DIPK1A: variants seen among roughly 807,000 people sequenced by gnomAD.
DIPK1A encodes divergent protein kinase domain 1A, also known as family with sequence similarity 69 member A.
In DIPK1A, 27 loss-of-function variants were observed where a neutral mutation model predicts 40.8. The observed-to-expected ratio is 0.66, with a 90% CI of 0.49 to 0.91. The LOEUF (loss-of-function observed/expected upper bound fraction) is 0.91, where lower values mean the gene tolerates loss of function less well. DIPK1A is among the 40% of genes least tolerant of loss of function. DIPK1A has a pLI of 0.00. For synonymous variants in DIPK1A, 166 were observed against 171.3 expected (o/e 0.97, Z 0.24); for missense variants, 412 against 505.7 (o/e 0.81, Z 1.78).
At chr1:92,931,061 T>C (rs993295861) in intron 1 of DIPK1A, 1 of 152,238 alleles carries the variant, frequency 6.6e-6, no homozygotes, top group East Asian at 1.9e-4. Flanking sequence ...TGACAAATGT[T>C]TGTTGAATGA....
At chr1:92,848,209 A>G (rs1312773075) in intron 3 of DIPK1A, among the ~76,000 whole-genome samples, 2 of 152,228 alleles carry the variant, frequency 1.3e-5, no homozygotes, top group African/African-American at 2.4e-5. Flanking sequence ...ACATAAAAAA[A>G]TAAATAAGAT....
At chr1:92,868,873 G>A (rs1262211283) in intron 2 of DIPK1A, among the ~76,000 whole-genome samples, 2 of 151,168 alleles carry the variant, frequency 1.3e-5, no homozygotes, top group South Asian at 4.2e-4. Flanking sequence ...GGCTGAGGCA[G>A]GAGAATTGCT....
In DIPK1A at chr1:92,850,886, A is replaced by G; in HGVS notation, c.259T>C (p.Tyr87His). ...CNSLCVTETL[Y>H]FGKCLSTKPN... ...TTGGTGGATAAACATTTTCCAAAGTAAAGAGTTTCTGTAACACAAAGGCTG... is the reference window on the plus strand; with the variant it reads ...TTGGTGGATAAACATTTTCCAAAGTGAAGAGTTTCTGTAACACAAAGGCTG... Residue 87 changes from tyrosine (Y) to histidine (H), a missense_variant, in exon 3 of 5, where the codon TAC becomes CAC. Coordinates refer to ENST00000370310, the MANE Select transcript of DIPK1A (RefSeq NM_001006605.5). The G allele has an allele frequency of 1.3e-6, 2 of 1,571,700 alleles. No homozygotes were observed. The highest frequency in any genetic ancestry group is 1.7e-6 in the Non-Finnish European group (2 of 1,156,664).
chr1:92,875,662 T>TGAG (rs1367106626), intron 2 of DIPK1A, among the ~76,000 whole-genome samples: 1 of 147,310 alleles, frequency 6.8e-6, no homozygotes, highest in Non-Finnish European at 1.5e-5. Flanking sequence ...TGCAGTAGGC[T>TGAG]GAGATTGTAC....
intron 1 of DIPK1A, among the ~76,000 whole-genome samples, chr1:92,952,137 A>C (rs946198203): frequency 1.3e-5 from 2 of 151,952 alleles, no homozygotes; most frequent in African/African-American, 4.8e-5. Flanking sequence ...TGCTACTGAT[A>C]TCTAACGGGT....
chr1:92,876,923 A>G, intron 1 of DIPK1A: 1 of 924,324 alleles, frequency 1.1e-6, no homozygotes, highest in Non-Finnish European at 1.3e-6. Flanking sequence ...ACAAGAAATT[A>G]AGCTCTACAG....
At chr1:92,840,565 T>C (rs1687315098), downstream of DIPK1A, 1 of 1,612,878 alleles carries the variant, frequency 6.2e-7, no homozygotes, top group African/African-American at 1.3e-5. Context: ...AGGAGATGTA[T>C]AAGAAAGCTC....
At chr1:92,889,717 G>A (rs1004878055) in intron 1 of DIPK1A, among the ~76,000 whole-genome samples, 6 of 151,354 alleles carry the variant, frequency 4.0e-5, no homozygotes, top group African/African-American at 7.3e-5. Context: ...ATGTAATCTC[G>A]ACCCACTGCA....
At chr1:92,948,445 T>C (rs1332195979) in intron 1 of DIPK1A, among the ~76,000 whole-genome samples, 2 of 150,802 alleles carry the variant, frequency 1.3e-5, no homozygotes, top group Non-Finnish European at 2.9e-5. Flanking sequence ...AAAAAGGTAA[T>C]TAACTTTTTT....
intron 1 of DIPK1A, among the ~76,000 whole-genome samples, chr1:92,890,864 T>A (rs1005475358): frequency 2.6e-5 from 4 of 152,182 alleles, no homozygotes; most frequent in African/African-American, 9.6e-5. Flanking sequence ...CTTTTCAGTT[T>A]TCTGGGAGAG....
intron 1 of DIPK1A, chr1:92,933,710 T>C (rs1406813507): frequency 6.6e-6 from 1 of 152,258 alleles, no homozygotes; most frequent in African/African-American, 2.4e-5. Flanking sequence ...ATTTGATTTA[T>C]CTTTATCTTT....
chr1:92,859,468 G>A (rs183651347), intron 2 of DIPK1A, among the ~76,000 whole-genome samples: 1 of 152,200 alleles, frequency 6.6e-6, no homozygotes, highest in Admixed American at 6.5e-5. Context: ...AATAGAGTCT[G>A]CAATTTATTT....
chr1:92,936,371 T>G (rs1405651464), intron 1 of DIPK1A, among the ~76,000 whole-genome samples: 1 of 152,132 alleles, frequency 6.6e-6, no homozygotes, highest in African/African-American at 2.4e-5. Flanking sequence ...CTCACGCCTG[T>G]AATCCCAACA....
intron 1 of DIPK1A, among the ~76,000 whole-genome samples, chr1:92,877,778 C>A (rs1459357667): frequency 6.6e-6 from 1 of 152,062 alleles, no homozygotes. Flanking sequence ...GGGGTATATA[C>A]CATGGGGTTT....
intron 4 of DIPK1A, chr1:92,835,394 T>TA (rs1431007925): frequency 4.7e-6 from 1 of 210,638 alleles, no homozygotes; most frequent in African/African-American, 2.3e-5. Flanking sequence ...GGCTCACACT[T>TA]ATAATCCCAG....
In DIPK1A at chr1:92,842,272, A is replaced by G. The variant is rs1342675438; in HGVS notation, c.*1111T>C. ...GGCGTTGAAGGAAAGTTTTGAGAGA[A>G]AGCTGTCCAGTGATGGTCACATAGA... On this transcript the variant is annotated 3_prime_UTR_variant, in exon 5 of 5. Coordinates refer to ENST00000370310, the MANE Select transcript of DIPK1A (RefSeq NM_001006605.5). 1.8e-5 allele frequency: 18 copies of G among 990,382 alleles called. No individual in the cohort carries two copies. Among genetic ancestry groups the G allele is most frequent in the Non-Finnish European group, 1.9e-5 (16 of 833,292 alleles). 61.3% of individuals were successfully genotyped at this position (990,382 alleles called of 1,614,324 possible).
intron 1 of DIPK1A, chr1:92,932,666 A>C (rs1293515986): frequency 6.6e-6 from 1 of 152,188 alleles, no homozygotes; most frequent in African/African-American, 2.4e-5. Flanking sequence ...TACCTGATTA[A>C]ATGTGTATTC....
intron 2 of DIPK1A, among the ~76,000 whole-genome samples, chr1:92,851,914 A>G (rs1422128699): frequency 2.6e-5 from 4 of 152,190 alleles, no homozygotes; most frequent in South Asian, 2.1e-4. Flanking sequence ...CCAGAACTCT[A>G]TTTGGCACCA....
downstream of DIPK1A, among the ~76,000 whole-genome samples, chr1:92,839,438 G>A (rs1166771864): frequency 6.6e-6 from 1 of 152,146 alleles, no homozygotes; most frequent in Admixed American, 6.5e-5. Context: ...TGGTCTAGAG[G>A]CCTTATATTA....
Sources: gnomAD v4.1 joint callset for allele counts (sites outside exome capture counted in the v4.1 genomes callset) on GRCh38, gnomAD v4.1.1 for gene constraint, MANE v1.5 for transcripts, NCBI Gene and HGNC (gene_info 2026-07-23, HGNC 2026-07-21) for gene names.